The following KSR1 variants were observed in gnomAD, a reference collection of about 807,000 sequenced individuals.
KSR1 encodes kinase suppressor of ras.
KSR1 carries 35 observed loss-of-function variants against 92.9 expected under a neutral mutation model. The observed-to-expected ratio is 0.38, with a 90% CI of 0.29 to 0.50. The LOEUF is 0.50. KSR1 is among the 20% of genes least tolerant of loss of function. The pLI, the probability that KSR1 is intolerant of heterozygous loss-of-function variation, is 0.94. For synonymous variants in KSR1, 467 were observed against 472.6 expected, an observed-to-expected ratio of 0.99 and a Z score of 0.15; for missense variants, 972 against 1,158.5, an observed-to-expected ratio of 0.84 and a Z score of 2.34.
At chr17:27,561,341 C>T (rs537210132) in intron 2 of KSR1, among the ~76,000 whole-genome samples, 1 of 152,332 alleles carries the variant, frequency 6.6e-6, no homozygotes, top group South Asian at 2.1e-4. Context: ...CTCTTCCCCC[C>T]TCATTTCTTC....
chr17:27,611,049 G>A (rs2073900422), intron 17 of KSR1, among the ~76,000 whole-genome samples: 1 of 152,180 alleles, frequency 6.6e-6, no homozygotes, highest in African/African-American at 2.4e-5. Context: ...CAGTGGGGTG[G>A]CCTTGGCGCC....
intron 9 of KSR1, 28 bp downstream of exon 9, chr17:27,592,654 C>A: frequency 6.3e-7 from 1 of 1,585,698 alleles, no homozygotes; most frequent in Non-Finnish European, 8.6e-7. Context: ...GGGGAGGACG[C>A]CCTTCTGCCA....
In KSR1 at chr17:27,615,072, G is replaced by A. The variant is rs115270829; in HGVS notation, c.2494-2223G>A. 2.9e-3 allele frequency among the ~76,000 whole-genome samples: 436 copies of A among 152,292 alleles called. 2 individuals are homozygous for A. Among genetic ancestry groups the A allele is most frequent in the African/African-American group, 9.5e-3 (394 of 41,552 alleles). ...ATTGTATTTAAGGGTCCATGCATAT[G>A]GGAAGACATCAAAAGACCAGAGGGT... is the stretch of plus-strand genomic sequence containing the variant. On this transcript the variant is annotated intron_variant, in intron 18 of 20. Coordinates refer to ENST00000644974, the MANE Select transcript of KSR1 (RefSeq NM_001394583.1).
At chr17:27,608,164 C>T (rs185917207) in intron 15 of KSR1, among the ~76,000 whole-genome samples, 154 bp downstream of exon 15, 2 of 152,326 alleles carry the variant, frequency 1.3e-5, no homozygotes, top group Non-Finnish European at 2.9e-5. Flanking sequence ...CCATCTCTTC[C>T]TCCCTGTCTC....
chr17:27,506,452 G>A (rs1335296490), intron 1 of KSR1, among the ~76,000 whole-genome samples: 1 of 152,238 alleles, frequency 6.6e-6, no homozygotes, highest in Non-Finnish European at 1.5e-5. Flanking sequence ...TCACTGTAGA[G>A]TTTTTAAGCA....
intron 1 of KSR1, among the ~76,000 whole-genome samples, chr17:27,491,192 C>G (rs533898623): frequency 1.2e-4 from 18 of 151,986 alleles, no homozygotes; most frequent in Admixed American, 1.1e-3. Context: ...TGGCATGATA[C>G]TAGCTCACGG....
intron 11 of KSR1, 83 bp from the exon 12 acceptor site, chr17:27,603,751 G>C: frequency 7.2e-7 from 1 of 1,383,132 alleles, no homozygotes; most frequent in South Asian, 1.2e-5. Context: ...AGCCTCTCTG[G>C]GGGTGCTGGG....
intron 10 of KSR1, among the ~76,000 whole-genome samples, chr17:27,600,335 G>A (rs2073510836): frequency 6.6e-6 from 1 of 152,088 alleles, no homozygotes; most frequent in Non-Finnish European, 1.5e-5. Context: ...AGCTATTTGG[G>A]AGGCTGAGGC....
At chr17:27,582,511 G>T in intron 3 of KSR1, 135 bp from the exon 4 acceptor site, 1 of 747,606 alleles carries the variant, frequency 1.3e-6, no homozygotes, top group East Asian at 2.7e-5. Context: ...ACCAGGTAAA[G>T]GTTGGTAGTT....
rs781300247 is a variant in KSR1 at position 27,456,726 on chromosome 17, G to T, written c.83G>T (p.Gly28Val). 1 of 1,247,928 alleles carries T rather than the reference G, an allele frequency of 8.0e-7. No individual in the cohort carries two copies. The highest frequency in any genetic ancestry group is 1.5e-5 in the African/African-American group (1 of 67,694). The allele number at this position is 1,247,928 out of a possible 1,614,324, so 77.3% of individuals were successfully genotyped here. A position where few individuals can be genotyped will look rare whatever the true frequency, so the allele number is the denominator to read the frequency against. ...GGGGDAAAAEGGAGAAASRAL... is the reference protein window; with the variant it reads ...GGGGDAAAAEVGAGAAASRAL... ...GGGGGGGATGCGGCGGCCGCGGAGG[G>T]AGGCGCAGGGGCCGCGGCCAGCCGG... is the stretch of plus-strand genomic sequence containing the variant. Residue 28 changes from glycine (G) to valine (V), a missense_variant, in exon 1 of 21, where the codon GGA becomes GTA. Around this residue, in one of 5 missense-constraint regions of KSR1, gnomAD observed 19 missense variants for 60.3 expected, o/e 0.32. Coordinates refer to ENST00000644974, the MANE Select transcript of KSR1 (RefSeq NM_001394583.1).
rs879244583 is a variant in KSR1 at position 27,604,581 on chromosome 17, G to C, written c.1566-99G>C. Reference sequence around the variant, plus strand: ...TTCCCCTAGCCAGGTGTGAGTCAGAGTAAGTACCTTTGTCTCAGATCTCTC... The same window carrying C: ...TTCCCCTAGCCAGGTGTGAGTCAGACTAAGTACCTTTGTCTCAGATCTCTC... On this transcript the variant is annotated intron_variant, in intron 12 of 20. Transcript: ENST00000644974. 41 of 1,238,058 alleles carry C rather than the reference G, an allele frequency of 3.3e-5. No homozygotes were observed. The South Asian group carries it at 5.0e-4, about 15-fold the overall frequency. 76.7% of individuals were successfully genotyped at this position (1,238,058 alleles called of 1,614,324 possible).
chr17:27,547,446 T>C (rs2071219977), intron 1 of KSR1, among the ~76,000 whole-genome samples: 1 of 152,268 alleles, frequency 6.6e-6, no homozygotes, highest in African/African-American at 2.4e-5. Context: ...CACAGTTATC[T>C]TAACAAACAC....
intron 1 of KSR1, among the ~76,000 whole-genome samples, chr17:27,497,987 A>G (rs1348556755): frequency 6.6e-6 from 1 of 152,220 alleles, no homozygotes; most frequent in Admixed American, 6.5e-5. Flanking sequence ...GTGTGTGTGC[A>G]TGTGCATACT....
At chr17:27,570,720 T>C (rs1336390320) in intron 2 of KSR1, among the ~76,000 whole-genome samples, 1 of 152,154 alleles carries the variant, frequency 6.6e-6, no homozygotes, top group Non-Finnish European at 1.5e-5. Flanking sequence ...GGAAGGAATG[T>C]GGCCTCCTGA....
intron 6 of KSR1, among the ~76,000 whole-genome samples, chr17:27,589,107 C>T (rs2073078083): frequency 6.6e-6 from 1 of 152,214 alleles, no homozygotes; most frequent in Non-Finnish European, 1.5e-5. Context: ...TGCAGTTTGG[C>T]GTCCCCTGCC....
intron 1 of KSR1, among the ~76,000 whole-genome samples, chr17:27,484,645 T>C (rs1439109017): frequency 6.9e-6 from 1 of 144,448 alleles, no homozygotes; most frequent in Non-Finnish European, 1.5e-5. Flanking sequence ...CTATCCAGTG[T>C]GATGGGGAGG....
Position 27,459,598 on chromosome 17 carries a change from G to A in KSR1, c.231+2724G>A, listed in dbSNP as rs1389385048. Among the ~76,000 whole-genome samples, 2 of 152,242 alleles carry A rather than the reference G, an allele frequency of 1.3e-5. No individual in the cohort carries two copies. Among genetic ancestry groups the A allele is most frequent in the Non-Finnish European group, 2.9e-5 (2 of 68,040 alleles). ...CCCCACACACCAGGCCGTGGCCCCAGAGACTGTGCTTGCAACACTGGATTC... is the reference window on the plus strand; with the variant it reads ...CCCCACACACCAGGCCGTGGCCCCAAAGACTGTGCTTGCAACACTGGATTC... On this transcript the variant is annotated intron_variant, in intron 1 of 20. Transcript: ENST00000644974. This position sits in a 1 kb window ranked among gnomAD's most constrained non-coding sequence, Gnocchi z 4.6.
chr17:27,485,641 A>C (rs182277769), intron 1 of KSR1, among the ~76,000 whole-genome samples: 28 of 152,248 alleles, frequency 1.8e-4, no homozygotes, highest in African/African-American at 6.7e-4. Flanking sequence ...TCCTCTTGGT[A>C]CTTTTTTTTC....
chr17:27,492,140 G>A (rs1287091319), intron 1 of KSR1, among the ~76,000 whole-genome samples: 2 of 152,146 alleles, frequency 1.3e-5, no homozygotes, highest in African/African-American at 4.8e-5. Context: ...GGGAGGAGAC[G>A]AGGAGAGTGT....
Sources: gnomAD v4.1 joint callset for allele counts (sites outside exome capture counted in the v4.1 genomes callset) on GRCh38, gnomAD v4.1.1 for gene constraint, gnomAD v4.1.1 regional missense constraint, Gnocchi (gnomAD v3.1) non-coding constraint, MANE v1.5 for transcripts, NCBI Gene and HGNC (gene_info 2026-07-23, HGNC 2026-07-21) for gene names.